CRB1: variants seen among roughly 807,000 people sequenced by gnomAD.
CRB1 encodes protein crumbs homolog 1.
Under a neutral mutation model 120.0 loss-of-function variants are expected in CRB1, and 83 were observed. That is an observed-to-expected ratio of 0.69 (90% CI 0.58 to 0.83). The LOEUF (loss-of-function observed/expected upper bound fraction) is 0.83. Ranked by LOEUF, CRB1 falls within the 40% of genes least tolerant of loss-of-function variation. The pLI is 0.00. For synonymous variants in CRB1, 625 were observed against 612.5 expected (o/e 1.02, Z -0.30); for missense variants, 1,699 against 1,687.6 (o/e 1.01, Z -0.12).
rs551136915 is a variant in CRB1, at chr1:197,371,657, C to T, written c.1171+14644C>T. 3.3e-5 allele frequency among the ~76,000 whole-genome samples: 5 copies of T among 152,198 alleles called. No homozygotes were observed. In the East Asian group the frequency reaches 9.7e-4, roughly 29 times the overall value. On this transcript the variant is annotated intron_variant, in intron 5 of 11. Coordinates refer to ENST00000367400, the MANE Select transcript of CRB1 (RefSeq NM_201253.3). ...CTTTGTGTCAGGAAAAAATGCACAA[C>T]CAGCAGCATGAGCCTCAGGTTTACA...
In CRB1 at chr1:197,429,622, G is replaced by T; in HGVS notation, c.2842+8G>T. The T allele has an allele frequency of 2.5e-6, 4 of 1,613,550 alleles. No individual in the cohort carries two copies. Among genetic ancestry groups the T allele is most frequent in the Non-Finnish European group, 2.5e-6 (3 of 1,179,600 alleles). Reference sequence around the variant, plus strand: ...TGCTTCAAGGATTTGAATGTAGGTAGAGTTCAAACCTACCATCTCACCAGT... The same window carrying T: ...TGCTTCAAGGATTTGAATGTAGGTATAGTTCAAACCTACCATCTCACCAGT... On this transcript the variant is annotated splice_region_variant and intron_variant, in intron 8 of 11. Coordinates refer to ENST00000367400, the MANE Select transcript of CRB1 (RefSeq NM_201253.3).
At chr1:197,326,290 A>G (rs1048544697) in intron 1 of CRB1, among the ~76,000 whole-genome samples, 2 of 152,196 alleles carry the variant, frequency 1.3e-5, no homozygotes, top group African/African-American at 4.8e-5. Context: ...TTCCATAGCT[A>G]GCATTTTGCT....
At chr1:197,210,467 C>T in the CRB1 span, among the ~76,000 whole-genome samples, 78 of 152,188 alleles carry the variant, frequency 5.1e-4, 1 homozygote, top group Non-Finnish European at 6.9e-4. Flanking sequence ...TGCTGTCCTG[C>T]GGAATTCAGT....
chr1:197,226,355 C>A, the CRB1 span, among the ~76,000 whole-genome samples: 35 of 152,280 alleles, frequency 2.3e-4, no homozygotes, highest in Admixed American at 1.0e-3. Context: ...AAATTAATTA[C>A]TTAAATAATT....
At chr1:197,476,630 A>T (rs966481443) in intron 11 of CRB1, among the ~76,000 whole-genome samples, 1 of 152,130 alleles carries the variant, frequency 6.6e-6, no homozygotes, top group African/African-American at 2.4e-5. Flanking sequence ...AATAATTTAA[A>T]CCAAGACACA....
intron 11 of CRB1, among the ~76,000 whole-genome samples, chr1:197,472,367 T>C (rs1444495660): frequency 1.3e-5 from 2 of 152,216 alleles, no homozygotes; most frequent in African/African-American, 4.8e-5. Context: ...CATACTTCTG[T>C]TGGTTTTATA....
chr1:197,441,124 G>A (rs1665412520), intron 10 of CRB1: 1 of 152,142 alleles, frequency 6.6e-6, no homozygotes, highest in South Asian at 2.1e-4. Flanking sequence ...ATTTTGGAAG[G>A]TGAGGGAAAG....
At chr1:197,465,296 A>G (rs1369677811) in intron 11 of CRB1, among the ~76,000 whole-genome samples, 1 of 152,182 alleles carries the variant, frequency 6.6e-6, no homozygotes, top group Non-Finnish European at 1.5e-5. Flanking sequence ...AGATTCCTCA[A>G]TACAAATGAA....
chr1:197,316,760 G>A (rs1044193835), intron 1 of CRB1, among the ~76,000 whole-genome samples: 3 of 151,926 alleles, frequency 2.0e-5, no homozygotes, highest in Non-Finnish European at 2.9e-5. Context: ...ACACCCCAAT[G>A]ACTTCACCAA....
intron 1 of CRB1, among the ~76,000 whole-genome samples, chr1:197,289,261 C>G (rs1656022440): frequency 6.6e-6 from 1 of 151,804 alleles, no homozygotes; most frequent in Non-Finnish European, 1.5e-5. Context: ...GAAATGTTTT[C>G]CTGAAATATA....
intron 11 of CRB1, among the ~76,000 whole-genome samples, chr1:197,459,962 G>C (rs1318706449): frequency 7.0e-6 from 1 of 142,302 alleles, no homozygotes; most frequent in Non-Finnish European, 1.5e-5. Flanking sequence ...GTTTTCACTA[G>C]GCATAGTTTT....
At chr1:197,224,751 AGTT>A in the CRB1 span, among the ~76,000 whole-genome samples, 1 of 152,080 alleles carries the variant, frequency 6.6e-6, no homozygotes, top group South Asian at 2.1e-4. Flanking sequence ...TAAGTTTTAT[AGTT>A]GTTTTCTTTA....
At chr1:197,456,274 G>A (rs1471697588) in intron 11 of CRB1, among the ~76,000 whole-genome samples, 1 of 152,044 alleles carries the variant, frequency 6.6e-6, no homozygotes, top group Non-Finnish European at 1.5e-5. Context: ...GACTTTTTCA[G>A]TAGCCAGCAT....
intron 3 of CRB1, among the ~76,000 whole-genome samples, chr1:197,346,707 T>C (rs1053164393): frequency 1.3e-5 from 2 of 152,246 alleles, no homozygotes; most frequent in Non-Finnish European, 1.5e-5. Context: ...AACAACTTTC[T>C]TCATTAGATT....
At chr1:197,457,970 C>G (rs954563329) in intron 11 of CRB1, among the ~76,000 whole-genome samples, 4 of 152,016 alleles carry the variant, frequency 2.6e-5, no homozygotes, top group Non-Finnish European at 5.9e-5. Flanking sequence ...TTATCCCTTG[C>G]TTTTGTTGAT....
intron 6 of CRB1, among the ~76,000 whole-genome samples, chr1:197,426,338 C>T (rs1440728954): frequency 6.6e-6 from 1 of 151,954 alleles, no homozygotes; most frequent in East Asian, 1.9e-4. Flanking sequence ...CTCAGAGTTC[C>T]TCCCTGATTG....
intron 4 of CRB1, among the ~76,000 whole-genome samples, chr1:197,355,445 G>A (rs1660415639): frequency 6.6e-6 from 1 of 152,212 alleles, no homozygotes; most frequent in Non-Finnish European, 1.5e-5. Context: ...GCGGAGCAGG[G>A]GGTGGTGCTC....
rs145156659 is a variant in CRB1, at chr1:197,464,176, G to T, written c.4006-13488G>T. On this transcript the variant is annotated intron_variant, in intron 11 of 11. Transcript: ENST00000367400. ...CTCGTGTTGCTAAATCACAGCAGAT[G>T]GCTTCCTTTTACACCCAACGCCGTC... Among the ~76,000 whole-genome samples the T allele has an allele frequency of 6.6e-4, 101 of 152,238 alleles. 1 individual carries two copies. The East Asian group carries it at 0.019, about 29-fold the overall frequency.
At chr1:197,274,553 C>T (rs1218752975) in intron 1 of CRB1, among the ~76,000 whole-genome samples, 4 of 152,128 alleles carry the variant, frequency 2.6e-5, no homozygotes, top group Non-Finnish European at 5.9e-5. Flanking sequence ...AAGTATTATG[C>T]AGAATAATTA....
Sources: gnomAD v4.1 joint callset for allele counts (sites outside exome capture counted in the v4.1 genomes callset) on GRCh38, gnomAD v4.1.1 for gene constraint, MANE v1.5 for transcripts, NCBI Gene and HGNC (gene_info 2026-07-23, HGNC 2026-07-21) for gene names.